Variants in PRKD1 observed in about 807,000 individuals in gnomAD.
PRKD1 encodes the protein serine/threonine-protein kinase D1.
PRKD1 carries 63 observed loss-of-function variants against 95.9 expected under a neutral mutation model. That is an observed-to-expected ratio of 0.66 (90% CI 0.54 to 0.81). The LOEUF is 0.81. Among genes scored for constraint, PRKD1 ranks in the 30% least tolerant of loss-of-function variants. PRKD1 has a pLI of 0.00. For synonymous variants in PRKD1, 425 were observed against 423.1 expected, an observed-to-expected ratio of 1.00 and a Z score of -0.05; for missense variants, 1,048 against 1,165.3, an observed-to-expected ratio of 0.90 and a Z score of 1.47.
chr14:29,852,514 A>C (rs989448246), intron 1 of PRKD1, among the ~76,000 whole-genome samples: 8 of 150,678 alleles, frequency 5.3e-5, no homozygotes, highest in African/African-American at 2.0e-4. Context: ...TAACAAGTGC[A>C]TTGTGGGAGT....
At chr14:29,584,870 C>A (rs532166262) in intron 16 of PRKD1, among the ~76,000 whole-genome samples, 218 of 152,106 alleles carry the variant, frequency 1.4e-3, no homozygotes, top group Admixed American at 3.9e-3. Flanking sequence ...TTTTTTCAGG[C>A]GGGAAATCAC....
intron 1 of PRKD1, among the ~76,000 whole-genome samples, chr14:29,846,271 C>A (rs2139327786): frequency 6.6e-6 from 1 of 152,162 alleles, no homozygotes; most frequent in Admixed American, 6.5e-5. Flanking sequence ...AATACAATTT[C>A]AGGTGGTAAT....
chr14:29,778,568 C>T (rs1435762594), intron 1 of PRKD1, among the ~76,000 whole-genome samples: 5 of 152,110 alleles, frequency 3.3e-5, no homozygotes, highest in Admixed American at 3.3e-4. Flanking sequence ...GACACATACA[C>T]CCTCCCAAGA....
chr14:29,702,762 A>T (rs1884902196), intron 2 of PRKD1, among the ~76,000 whole-genome samples: 1 of 152,078 alleles, frequency 6.6e-6, no homozygotes. Context: ...CATTACTTCT[A>T]AATATTTTTG....
chr14:29,784,029 C>T (rs994124720), intron 1 of PRKD1, among the ~76,000 whole-genome samples: 1 of 152,160 alleles, frequency 6.6e-6, no homozygotes, highest in African/African-American at 2.4e-5. Context: ...CAACCTTAGC[C>T]ATAAAATCTT....
chr14:29,866,282 C>T (rs1892903773), intron 1 of PRKD1, among the ~76,000 whole-genome samples: 1 of 152,012 alleles, frequency 6.6e-6, no homozygotes, highest in Non-Finnish European at 1.5e-5. Flanking sequence ...ATAACAGGCA[C>T]TACAATCATT....
intron 1 of PRKD1, among the ~76,000 whole-genome samples, chr14:29,798,269 C>A (rs1889896660): frequency 1.3e-5 from 2 of 152,178 alleles, no homozygotes; most frequent in African/African-American, 4.8e-5. Context: ...CAGTTCCACC[C>A]ACTTCCCACT....
chr14:29,910,061 C>G (rs1356887825), intron 1 of PRKD1, among the ~76,000 whole-genome samples: 1 of 152,180 alleles, frequency 6.6e-6, no homozygotes, highest in Non-Finnish European at 1.5e-5. Context: ...CTGGGGTCCC[C>G]TTCCACACTG....
chr14:29,740,860 C>T (rs1472182367), intron 1 of PRKD1, among the ~76,000 whole-genome samples: 2 of 152,264 alleles, frequency 1.3e-5, no homozygotes, highest in Admixed American at 1.3e-4. Context: ...ACCTAAATGC[C>T]CATCTATGAC....
intron 1 of PRKD1, among the ~76,000 whole-genome samples, chr14:29,894,609 A>C (rs1894055457): frequency 6.6e-6 from 1 of 152,240 alleles, no homozygotes. Context: ...GTAGTATAGC[A>C]AAACTGACAA....
At chr14:29,718,375 C>T (rs911738800) in intron 2 of PRKD1, among the ~76,000 whole-genome samples, 1 of 145,408 alleles carries the variant, frequency 6.9e-6, no homozygotes, top group Non-Finnish European at 1.5e-5. Flanking sequence ...CCTTCACCTT[C>T]TGCCATGATT....
chr14:29,621,885 C>A (rs922019414), intron 13 of PRKD1, among the ~76,000 whole-genome samples: 3 of 152,158 alleles, frequency 2.0e-5, no homozygotes, highest in Admixed American at 6.5e-5. Context: ...GATGTCTGAC[C>A]TTTTCATATG....
chr14:29,741,019 C>T (rs1440156230), intron 1 of PRKD1, among the ~76,000 whole-genome samples: 2 of 152,110 alleles, frequency 1.3e-5, no homozygotes, highest in East Asian at 3.9e-4. Context: ...AAACCAAATA[C>T]CACATCTTCT....
intron 16 of PRKD1, among the ~76,000 whole-genome samples, chr14:29,579,499 T>G (rs1347961880): frequency 6.6e-6 from 1 of 152,152 alleles, no homozygotes; most frequent in Non-Finnish European, 1.5e-5. Flanking sequence ...TCCTCATCTT[T>G]CCCTATCACC....
chr14:29,648,165 T>C (rs898517252), intron 4 of PRKD1, among the ~76,000 whole-genome samples: 8 of 150,320 alleles, frequency 5.3e-5, no homozygotes, highest in African/African-American at 2.0e-4. Context: ...TTCAAGGGGG[T>C]TCACCAATGC....
intron 1 of PRKD1, among the ~76,000 whole-genome samples, chr14:29,869,542 A>G (rs1429321234): frequency 1.3e-5 from 2 of 152,182 alleles, no homozygotes; most frequent in Non-Finnish European, 2.9e-5. Context: ...AATCTCATAA[A>G]TAAGGTCATA....
At chr14:29,926,858 A>ACTCC (rs1895316436) in intron 1 of PRKD1, among the ~76,000 whole-genome samples, 1 of 151,982 alleles carries the variant, frequency 6.6e-6, no homozygotes, top group Admixed American at 6.5e-5. Flanking sequence ...AGGAAGGAGG[A>ACTCC]TTCCTGCACC....
rs745756936 is a variant in PRKD1, at chr14:29,599,801, C to T, written c.1922G>A (p.Gly641Asp). Residue 641 changes from glycine to aspartate, a missense_variant, in exon 14 of 18, where the codon GGT becomes GAT. Gly to Asp is a moderately conservative substitution (Grantham distance 94). Transcript: ENST00000331968. ...AAACATACACTCCAAATTTACAACACCAGGGTGATGAAGGTTCTATTAAAG... is the reference window on the plus strand; with the variant it reads ...AAACATACACTCCAAATTTACAACATCAGGGTGATGAAGGTTCTATTAAAG... ...VAILQNLHHP[G>D]VVNLECMFET... The T allele has an allele frequency of 1.2e-5, 20 of 1,609,948 alleles. No individual in the cohort carries two copies. In the Admixed American group the frequency reaches 2.9e-4, roughly 23 times the overall value.
chr14:29,779,939 T>C (rs145917919), intron 1 of PRKD1, among the ~76,000 whole-genome samples: 23 of 151,924 alleles, frequency 1.5e-4, no homozygotes, highest in Non-Finnish European at 4.4e-5. Context: ...CCAAAACAGA[T>C]ATATACACCA....
Sources: allele counts gnomAD v4.1 joint callset (sites outside exome capture counted in the v4.1 genomes callset), GRCh38; gene constraint gnomAD v4.1.1; transcripts MANE v1.5; gene names NCBI Gene and HGNC (gene_info 2026-07-23, HGNC 2026-07-21).